The following RPL24 variants were observed in gnomAD, a reference collection of about 807,000 sequenced individuals.
RPL24 encodes ribosomal protein L24, also known as large ribosomal subunit protein eL24.
RPL24 carries 7 observed loss-of-function variants against 26.4 expected under a neutral mutation model. The observed-to-expected ratio is 0.27, with a 90% CI of 0.15 to 0.50. The LOEUF (loss-of-function observed/expected upper bound fraction) is 0.50, where lower values mean the gene tolerates loss of function less well. Ranked by LOEUF, RPL24 falls within the 20% of genes least tolerant of loss-of-function variation. RPL24 has a pLI of 0.98. For synonymous variants in RPL24, 67 were observed against 65.2 expected, an observed-to-expected ratio of 1.03 and a Z score of -0.13; for missense variants, 109 against 194.9, an observed-to-expected ratio of 0.56 and a Z score of 2.62.
chr3:101,681,818 C>T (rs1362471476), intron 5 of RPL24: 2 of 154,864 alleles, frequency 1.3e-5, no homozygotes, highest in African/African-American at 4.8e-5. Flanking sequence ...TCCAGCTGGG[C>T]TACAGAGTGA....
chr3:101,681,584 G>A (rs1937262899), intron 5 of RPL24: 1 of 183,488 alleles, frequency 5.4e-6, no homozygotes, highest in African/African-American at 2.4e-5. Flanking sequence ...GCATGGTGCA[G>A]GGGCTCATCC....
intron 3 of RPL24, among the ~76,000 whole-genome samples, chr3:101,684,030 G>A (rs989375225): frequency 1.3e-5 from 2 of 151,862 alleles, no homozygotes; most frequent in Admixed American, 1.3e-4. Flanking sequence ...ATTTTTTTAA[G>A]TAGAAACTGG....
At chr3:101,685,980 G>T (rs192337231) in intron 2 of RPL24, 52 bp from the exon 3 acceptor site, 3 of 1,175,640 alleles carry the variant, frequency 2.6e-6, no homozygotes, top group Non-Finnish European at 2.6e-6. Flanking sequence ...AAGTACAAGA[G>T]GCTGAGTAAG....
chr3:101,686,150 T>A, intron 2 of RPL24: 1 of 578,326 alleles, frequency 1.7e-6, no homozygotes, highest in Admixed American at 3.1e-5. Flanking sequence ...AAATCTAGGC[T>A]CATAGCAAAG....
chr3:101,686,411 C>T, intron 2 of RPL24, 71 bp downstream of exon 2: 1 of 1,404,908 alleles, frequency 7.1e-7, no homozygotes, highest in South Asian at 1.3e-5. Context: ...ATAAACCCGC[C>T]TAAACCGAAT....
At chr3:101,684,627 T>G (rs1319128676) in intron 3 of RPL24, among the ~76,000 whole-genome samples, 1 of 151,522 alleles carries the variant, frequency 6.6e-6, no homozygotes, top group South Asian at 2.1e-4. Context: ...CAAAATATAT[T>G]TAAAAAATAG....
At chr3:101,686,456 T>C in intron 2 of RPL24, 26 bp downstream of exon 2, 9 of 1,606,170 alleles carry the variant, frequency 5.6e-6, no homozygotes, top group Non-Finnish European at 7.7e-6. Context: ...TACAAGAAGG[T>C]AGGTGAAGCC....
intron 5 of RPL24, chr3:101,681,943 C>A: frequency 6.3e-6 from 1 of 157,960 alleles, no homozygotes; most frequent in Non-Finnish European, 1.4e-5. Context: ...AGGACCACCT[C>A]TCTGGAGACC....
At chr3:101,681,299 A>G in intron 5 of RPL24, 84 bp from the exon 6 acceptor site, 1 of 893,104 alleles carries the variant, frequency 1.1e-6, no homozygotes, top group Non-Finnish European at 1.9e-6. Context: ...TTGTTTATGT[A>G]GCTTAGATCA....
chr3:101,683,501 G>C (rs906401010), intron 3 of RPL24, among the ~76,000 whole-genome samples: 1 of 152,076 alleles, frequency 6.6e-6, no homozygotes, highest in African/African-American at 2.4e-5. Flanking sequence ...ACAAAAATAA[G>C]GCACATTGGT....
At chr3:101,685,089 C>T (rs1412032858) in intron 3 of RPL24, among the ~76,000 whole-genome samples, 1 of 151,840 alleles carries the variant, frequency 6.6e-6, no homozygotes, top group Non-Finnish European at 1.5e-5. Context: ...TGAGAAAACA[C>T]CAAATGATTT....
intron 3 of RPL24, among the ~76,000 whole-genome samples, chr3:101,685,500 T>C (rs1326775497): frequency 1.3e-5 from 2 of 152,232 alleles, no homozygotes; most frequent in African/African-American, 4.8e-5. Flanking sequence ...GGACTAATCC[T>C]GTAAATATTG....
intron 3 of RPL24, among the ~76,000 whole-genome samples, chr3:101,683,994 G>T (rs1245926061): frequency 6.6e-6 from 1 of 152,026 alleles, no homozygotes; most frequent in African/African-American, 2.4e-5. Context: ...TTACAGGCGT[G>T]AGCCACCATC....
Position 101,686,467 on chromosome 3 carries a change from G to A in RPL24, c.81+15C>T, listed in dbSNP as rs934384777. On this transcript the variant is annotated intron_variant, in intron 2 of 5. Coordinates refer to ENST00000394077, the MANE Select transcript of RPL24 (RefSeq NM_000986.4). ...GGAGTACAAGAAGGTAGGTGAAGCC[G>A]ACGCGGCTTTTTACCTTCCCGTCGG... 2 of 1,611,962 alleles carry A rather than the reference G, an allele frequency of 1.2e-6. No homozygotes were observed. Among genetic ancestry groups the A allele is most frequent in the South Asian group, 1.1e-5 (1 of 90,838 alleles).
intron 3 of RPL24, among the ~76,000 whole-genome samples, chr3:101,683,326 G>C (rs980686634): frequency 1.3e-5 from 2 of 152,210 alleles, no homozygotes; most frequent in African/African-American, 2.4e-5. Flanking sequence ...GGATTTGTCT[G>C]AGAAGGTATT....
chr3:101,684,658 C>T (rs112444062), intron 3 of RPL24, among the ~76,000 whole-genome samples: 41 of 151,418 alleles, frequency 2.7e-4, no homozygotes, highest in African/African-American at 8.7e-4. Flanking sequence ...GTGGCATGTG[C>T]CTGTGGACCA....
chr3:101,682,544 A>G (rs1937276821), intron 4 of RPL24, 52 bp from the exon 5 acceptor site: 1 of 1,435,300 alleles, frequency 7.0e-7, no homozygotes, highest in Admixed American at 1.8e-5. Context: ...TTAGTGGTAC[A>G]ACTTATTATT....
rs1287746738 is a variant in RPL24, at chr3:101,681,462, T to C, written c.394-247A>G. 3 of 473,052 alleles carry C rather than the reference T, an allele frequency of 6.3e-6. No homozygotes were observed. The East Asian group carries it at 1.1e-4, about 17-fold the overall frequency. The allele number at this position is 473,052 out of a possible 1,614,324, so 29.3% of individuals were successfully genotyped here. A position where few individuals can be genotyped will look rare whatever the true frequency, so the allele number is the denominator to read the frequency against. On this transcript the variant is annotated intron_variant, in intron 5 of 5. Coordinates refer to ENST00000394077, the MANE Select transcript of RPL24 (RefSeq NM_000986.4). ...CACAACCAAGTGCAGTGTAGGATCC[T>C]GAAATGCATCCTAACAGAAACTCAC...
At chr3:101,683,860 C>T (rs530037283) in intron 3 of RPL24, among the ~76,000 whole-genome samples, 4 of 151,798 alleles carry the variant, frequency 2.6e-5, no homozygotes, top group South Asian at 4.2e-4. Context: ...CACAAGTAAC[C>T]GCCACCACGC....
Sources: gnomAD v4.1 joint callset for allele counts (sites outside exome capture counted in the v4.1 genomes callset) on GRCh38, gnomAD v4.1.1 for gene constraint, MANE v1.5 for transcripts, NCBI Gene and HGNC (gene_info 2026-07-23, HGNC 2026-07-21) for gene names.